MVB12A: variants seen among roughly 807,000 people sequenced by gnomAD.
MVB12A encodes the protein CIN85/CD2AP family binding protein.
Under a neutral mutation model 34.3 loss-of-function variants are expected in MVB12A, and 30 were observed. That is an observed-to-expected ratio of 0.88 (90% CI 0.65 to 1.19). The LOEUF (loss-of-function observed/expected upper bound fraction) is 1.19, where lower values mean the gene tolerates loss of function less well. MVB12A is among the 50% of genes most tolerant of loss of function. The pLI, the probability that MVB12A is intolerant of heterozygous loss-of-function variation, is 0.00. For synonymous variants in MVB12A, 158 were observed against 158.9 expected (o/e 0.99, Z 0.04); for missense variants, 355 against 369.2 (o/e 0.96, Z 0.31).
At chr19:17,424,472 A>G (rs2074857611) in intron 7 of MVB12A, 149 bp from the exon 8 acceptor site, 1 of 893,350 alleles carries the variant, frequency 1.1e-6, no homozygotes, top group Non-Finnish European at 1.7e-6. Flanking sequence ...CTCTAAAAAC[A>G]AAACAAAACA....
In MVB12A at chr19:17,410,533, C is replaced by CATATATAT. The variant is rs1209476314; in HGVS notation, c.-5+4238_-5+4239insTATATATA. ...ATATATATATATATATATATATACA[C>CATATATAT]ACACACATATATATATACACACACA... On this transcript the variant is annotated intron_variant, in intron 2 of 6. Transcript: ENST00000528604. Among the ~76,000 whole-genome samples the CATATATAT allele has an allele frequency of 7.3e-3, 428 of 58,880 alleles. 2 individuals are homozygous for CATATATAT. Among genetic ancestry groups the CATATATAT allele is most frequent in the African/African-American group, 0.017 (198 of 11,478 alleles). 38.6% of individuals were successfully genotyped at this position (58,880 alleles called of 152,430 possible).
upstream of MVB12A, chr19:17,417,680 C>T (rs1287406794): frequency 6.5e-6 from 1 of 153,560 alleles, no homozygotes; most frequent in Non-Finnish European, 1.5e-5. Context: ...AAATAAGAGT[C>T]CAGACGGTGG....
At chr19:17,410,844 G>A (rs1301893135) in intron 2 of MVB12A, among the ~76,000 whole-genome samples, 1 of 139,120 alleles carries the variant, frequency 7.2e-6, no homozygotes, top group African/African-American at 2.6e-5. Context: ...CAGAAGAATC[G>A]CTTGAACCCA....
chr19:17,416,255 G>A (rs1208968051), upstream of MVB12A, among the ~76,000 whole-genome samples: 33 of 109,250 alleles, frequency 3.0e-4, no homozygotes, highest in Admixed American at 2.8e-3. Flanking sequence ...GGGATTACAG[G>A]CGCATGCCAC....
intron 2 of MVB12A, chr19:17,413,142 A>G (rs1419841607): frequency 6.6e-6 from 1 of 151,912 alleles, no homozygotes; most frequent in African/African-American, 2.4e-5. Flanking sequence ...ACAATCAGGA[A>G]GCAACAGCCA....
upstream of MVB12A, chr19:17,420,020 C>G (rs113937404): frequency 5.5e-6 from 2 of 362,926 alleles, no homozygotes; most frequent in Admixed American, 1.0e-4. Flanking sequence ...TCTCCGCCCC[C>G]CCCCCCCGCA....
At chr19:17,417,098 C>T (rs2074805109), upstream of MVB12A, 2 of 372,570 alleles carry the variant, frequency 5.4e-6, no homozygotes, top group Non-Finnish European at 1.1e-5. Context: ...GTCAAACTTT[C>T]CTTTCAACTT....
At chr19:17,415,719 G>C (rs1323745562), upstream of MVB12A, 1 of 142,344 alleles carries the variant, frequency 7.0e-6, no homozygotes, top group Non-Finnish European at 1.5e-5. Flanking sequence ...TTAAATAAAG[G>C]ACTCTTAATT....
chr19:17,412,951 G>C (rs2074778063), intron 2 of MVB12A: 1 of 152,144 alleles, frequency 6.6e-6, no homozygotes, highest in Non-Finnish European at 1.5e-5. Flanking sequence ...CATAGAGCTT[G>C]TAAACCTAAG....
chr19:17,420,679 G>A, intron 3 of MVB12A, 45 bp downstream of exon 3: 1 of 1,415,828 alleles, frequency 7.1e-7, no homozygotes, highest in South Asian at 1.2e-5. Context: ...TCCCTTGCAG[G>A]GAGGAGCGGG....
In MVB12A at chr19:17,420,217, T is replaced by C; in HGVS notation, c.82T>C (p.Phe28Leu). The C allele has an allele frequency of 1.4e-6, 2 of 1,455,768 alleles. No individual in the cohort carries two copies. The highest frequency in any genetic ancestry group is 1.8e-6 in the Non-Finnish European group (2 of 1,109,524). The allele number at this position is 1,455,768 out of a possible 1,614,324, so 90.2% of individuals were successfully genotyped here. The change falls in exon 1 of 9, where the codon TTC becomes CTC. Residue 28 changes from phenylalanine (F) to leucine (L), a missense_variant. Coordinates refer to ENST00000317040, the MANE Select transcript of MVB12A (RefSeq NM_138401.4). ...SSASAPPPRG[F>L]SAISCTVEGA... is the part of the protein sequence containing the mutation. ...GGCCTCTGCACCCCCGCCGCGGGGG[T>C]TCAGCGCGGTGAGCGGCGTCGAGGG...
chr19:17,407,393 C>T (rs1277771654), intron 2 of MVB12A, among the ~76,000 whole-genome samples: 2 of 151,948 alleles, frequency 1.3e-5, no homozygotes, highest in African/African-American at 2.4e-5. Context: ...GTAGTGGCCC[C>T]GAATGTCTGG....
chr19:17,415,376 G>A, upstream of MVB12A: 1 of 152,198 alleles, frequency 6.6e-6, no homozygotes, highest in East Asian at 1.9e-4. Flanking sequence ...ATAAGGTACT[G>A]GAACAAACAA....
At chr19:17,416,383 T>C (rs1277187817), upstream of MVB12A, among the ~76,000 whole-genome samples, 1 of 146,118 alleles carries the variant, frequency 6.8e-6, no homozygotes, top group Admixed American at 6.9e-5. Context: ...GTGCTGGGAT[T>C]ACAGGCTTGA....
At chr19:17,419,924 C>A (rs1335528185), upstream of MVB12A, 8 of 399,942 alleles carry the variant, frequency 2.0e-5, no homozygotes, top group Non-Finnish European at 3.5e-5. Context: ...GCGCGCAACC[C>A]TGGCGACGCG....
intron 2 of MVB12A, among the ~76,000 whole-genome samples, chr19:17,407,445 T>G (rs1047171161): frequency 6.6e-6 from 1 of 151,790 alleles, no homozygotes; most frequent in African/African-American, 2.4e-5. Context: ...AGGGGCAGGG[T>G]AAAGAGTGTG....
chr19:17,409,740 C>T (rs1298422602), intron 2 of MVB12A, among the ~76,000 whole-genome samples: 6 of 151,934 alleles, frequency 3.9e-5, no homozygotes, highest in South Asian at 4.2e-4. Context: ...CTTGAGCCAC[C>T]GCACCCAGCC....
chr19:17,411,353 C>T (rs2074768106), intron 2 of MVB12A, among the ~76,000 whole-genome samples: 1 of 151,558 alleles, frequency 6.6e-6, no homozygotes, highest in Admixed American at 6.6e-5. Context: ...CCCAATTTCC[C>T]CTCTTTTATT....
At chr19:17,411,556 C>A (rs1243009499) in intron 2 of MVB12A, among the ~76,000 whole-genome samples, 1 of 151,756 alleles carries the variant, frequency 6.6e-6, no homozygotes, top group Non-Finnish European at 1.5e-5. Context: ...TGGGGTCTCA[C>A]TATGTTGACC....
Sources: gnomAD v4.1 joint callset for allele counts (sites outside exome capture counted in the v4.1 genomes callset) on GRCh38, gnomAD v4.1.1 for gene constraint, MANE v1.5 for transcripts, NCBI Gene and HGNC (gene_info 2026-07-23, HGNC 2026-07-21) for gene names.